Variants in SLC39A11 observed in about 807,000 individuals in gnomAD.
SLC39A11 encodes the protein zinc transporter ZIP11.
In SLC39A11, 33 loss-of-function variants were observed where a neutral mutation model predicts 36.1. The observed-to-expected ratio is 0.91, with a 90% CI of 0.69 to 1.22. The LOEUF (loss-of-function observed/expected upper bound fraction) is 1.22, where lower values mean the gene tolerates loss of function less well. Ranked by LOEUF, SLC39A11 falls within the 50% of genes most tolerant of loss-of-function variation. The pLI, the probability that SLC39A11 is intolerant of heterozygous loss-of-function variation, is 0.00. For synonymous variants in SLC39A11, 166 were observed against 170.3 expected (o/e 0.97, Z 0.20); for missense variants, 432 against 430.3 (o/e 1.00, Z -0.03).
intron 4 of SLC39A11, among the ~76,000 whole-genome samples, chr17:73,029,023 C>A (rs1394353261): frequency 6.6e-6 from 1 of 151,248 alleles, no homozygotes. Flanking sequence ...GAGGCTGAGG[C>A]AGGAGAATCA....
intron 6 of SLC39A11, among the ~76,000 whole-genome samples, chr17:72,792,891 TA>T (rs2076760408): frequency 6.6e-6 from 1 of 152,128 alleles, no homozygotes; most frequent in Non-Finnish European, 1.5e-5. Context: ...TTCACTAGCA[TA>T]TGGCACTGAC....
intron 5 of SLC39A11, among the ~76,000 whole-genome samples, chr17:72,924,830 C>T (rs954470106): frequency 7.2e-5 from 11 of 151,846 alleles, no homozygotes; most frequent in Non-Finnish European, 1.2e-4. Flanking sequence ...AGTGAAACCC[C>T]GTCTCTACTA....
At chr17:72,846,020 T>C (rs201444667) in intron 6 of SLC39A11, among the ~76,000 whole-genome samples, 16 of 27,982 alleles carry the variant, frequency 5.7e-4, no homozygotes, top group East Asian at 1.9e-3. Context: ...CTCTCTCTCT[T>C]TTTTTTTTTT....
chr17:72,691,984 A>G (rs1018548053), intron 7 of SLC39A11, among the ~76,000 whole-genome samples: 1 of 151,042 alleles, frequency 6.6e-6, no homozygotes, highest in African/African-American at 2.4e-5. Flanking sequence ...GGGGATTATA[A>G]TCCCTCCCCC....
chr17:72,935,632 A>G (rs2084694623), intron 5 of SLC39A11, among the ~76,000 whole-genome samples: 1 of 152,226 alleles, frequency 6.6e-6, no homozygotes, highest in Non-Finnish European at 1.5e-5. Context: ...GCTGGAGTGC[A>G]GTGGCACGAT....
Position 72,732,264 on chromosome 17 carries a change from C to T in SLC39A11, c.671+4386G>A, listed in dbSNP as rs185227093. Among the ~76,000 whole-genome samples, 15 of 152,044 alleles carry T rather than the reference C, an allele frequency of 9.9e-5. No individual in the cohort carries two copies. In the East Asian group the frequency reaches 2.9e-3, roughly 29 times the overall value. ...TCCCGACCTCGAGGGATCCGCCCGC[C>T]TCGGCCTCTCAAAGTACGGGATTAT... On this transcript the variant is annotated intron_variant, in intron 7 of 9. Coordinates refer to ENST00000255559, the MANE Select transcript of SLC39A11 (RefSeq NM_139177.4).
At chr17:72,896,642 T>C (rs1456608369) in intron 5 of SLC39A11, among the ~76,000 whole-genome samples, 1 of 152,150 alleles carries the variant, frequency 6.6e-6, no homozygotes, top group African/African-American at 2.4e-5. Context: ...ATAATATTTA[T>C]AACACATTTG....
chr17:73,082,434 G>A (rs1023706435), intron 3 of SLC39A11, among the ~76,000 whole-genome samples: 2 of 152,022 alleles, frequency 1.3e-5, no homozygotes, highest in African/African-American at 4.8e-5. Context: ...GTCATTACTA[G>A]AATAAGACAG....
At chr17:72,773,673 ACACACC>A (rs1328900128) in intron 6 of SLC39A11, among the ~76,000 whole-genome samples, 32 of 149,010 alleles carry the variant, frequency 2.1e-4, no homozygotes, top group African/African-American at 6.4e-4. Flanking sequence ...ACACACACAC[ACACACC>A]CAGTATATAA....
chr17:72,753,056 A>G (rs1365017932), intron 6 of SLC39A11, among the ~76,000 whole-genome samples: 1 of 149,856 alleles, frequency 6.7e-6, no homozygotes, highest in African/African-American at 2.5e-5. Context: ...CCATGTCTTC[A>G]TATGTTGGCC....
chr17:72,947,345 C>T (rs2085496077), intron 5 of SLC39A11, among the ~76,000 whole-genome samples: 1 of 151,826 alleles, frequency 6.6e-6, no homozygotes, highest in Admixed American at 6.6e-5. Context: ...AGCAGTCTCC[C>T]CAGGTAAATC....
intron 6 of SLC39A11, among the ~76,000 whole-genome samples, chr17:72,775,896 G>A (rs549354032): frequency 8.5e-5 from 13 of 152,304 alleles, no homozygotes; most frequent in African/African-American, 3.1e-4. Context: ...ACGTATTTCT[G>A]AACTATTGCA....
intron 5 of SLC39A11, among the ~76,000 whole-genome samples, chr17:72,885,424 C>T (rs1030203435): frequency 1.3e-5 from 2 of 152,140 alleles, no homozygotes; most frequent in African/African-American, 4.8e-5. Flanking sequence ...TCACCTAGTT[C>T]CCACCTAGAC....
At chr17:72,947,086 C>T (rs1363859282) in intron 5 of SLC39A11, among the ~76,000 whole-genome samples, 1 of 152,164 alleles carries the variant, frequency 6.6e-6, no homozygotes, top group Non-Finnish European at 1.5e-5. Flanking sequence ...TTTGGGAAGC[C>T]GAGACAGGCA....
chr17:72,744,352 C>T (rs1187598938), intron 6 of SLC39A11, among the ~76,000 whole-genome samples: 1 of 152,056 alleles, frequency 6.6e-6, no homozygotes, highest in African/African-American at 2.4e-5. Context: ...ACCTCCTGTC[C>T]CAGTTGTGAC....
intron 6 of SLC39A11, among the ~76,000 whole-genome samples, chr17:72,830,178 T>C (rs1332432133): frequency 6.6e-6 from 1 of 152,098 alleles, no homozygotes; most frequent in African/African-American, 2.4e-5. Flanking sequence ...CACTGATAAA[T>C]GAAAAATTTA....
intron 3 of SLC39A11, among the ~76,000 whole-genome samples, chr17:73,067,577 G>C (rs2060033159): frequency 6.6e-6 from 1 of 152,018 alleles, no homozygotes; most frequent in Non-Finnish European, 1.5e-5. Context: ...CGCTTATACA[G>C]TCTTAGTCTC....
At chr17:72,873,054 CAAA>C (rs1197695347) in intron 5 of SLC39A11, among the ~76,000 whole-genome samples, 3 of 52,044 alleles carry the variant, frequency 5.8e-5, no homozygotes, top group Non-Finnish European at 4.0e-5. Flanking sequence ...GACTCCATCT[CAAA>C]AAAAAAAAAA....
intron 7 of SLC39A11, among the ~76,000 whole-genome samples, chr17:72,688,139 C>A (rs1178980981): frequency 6.6e-6 from 1 of 152,172 alleles, no homozygotes; most frequent in Non-Finnish European, 1.5e-5. Flanking sequence ...TGCTTTGATG[C>A]CACAGAGCTA....
Sources: allele counts gnomAD v4.1 joint callset (sites outside exome capture counted in the v4.1 genomes callset), GRCh38; gene constraint gnomAD v4.1.1; transcripts MANE v1.5; gene names NCBI Gene and HGNC (gene_info 2026-07-23, HGNC 2026-07-21).